Variants in STIM1 observed in about 807,000 individuals in gnomAD.
STIM1 encodes stromal interaction molecule 1.
In STIM1, 25 loss-of-function variants were observed where a neutral mutation model predicts 74.7. That is an observed-to-expected ratio of 0.33 (90% CI 0.24 to 0.47). STIM1 has a LOEUF of 0.47. STIM1 is among the 20% of genes least tolerant of loss of function. STIM1 has a pLI of 1.00. For synonymous variants in STIM1, 328 were observed against 348.8 expected (o/e 0.94, Z 0.66); for missense variants, 728 against 920.8 (o/e 0.79, Z 2.71).
chr11:3,992,392 T>A (rs1016947317), intron 2 of STIM1, among the ~76,000 whole-genome samples: 1 of 152,022 alleles, frequency 6.6e-6, no homozygotes, highest in Non-Finnish European at 1.5e-5. Flanking sequence ...TTAGCCTGGG[T>A]GACAGAGTGA....
chr11:3,871,784 T>C (rs2091105059), intron 1 of STIM1, among the ~76,000 whole-genome samples: 1 of 152,190 alleles, frequency 6.6e-6, no homozygotes, highest in Admixed American at 6.5e-5. Context: ...CTGGGTTCTG[T>C]TACTCTTGAC....
chr11:4,070,533 A>C (rs1478766525), intron 6 of STIM1, among the ~76,000 whole-genome samples: 1 of 152,200 alleles, frequency 6.6e-6, no homozygotes. Context: ...TTCTCCTAGC[A>C]TATAAATAGA....
At chr11:3,997,273 G>T (rs967081063) in intron 2 of STIM1, among the ~76,000 whole-genome samples, 2 of 152,198 alleles carry the variant, frequency 1.3e-5, no homozygotes, top group Non-Finnish European at 2.9e-5. Flanking sequence ...GGAAAAAAAG[G>T]AGTAAAAGGA....
At chr11:3,932,617 G>T (rs182502850) in intron 1 of STIM1, among the ~76,000 whole-genome samples, 46 of 145,780 alleles carry the variant, frequency 3.2e-4, no homozygotes, top group African/African-American at 1.1e-3. Flanking sequence ...AGCCGAGATC[G>T]CTCCACTGCA....
chr11:3,949,836 A>G (rs553361917), intron 1 of STIM1, among the ~76,000 whole-genome samples: 3 of 152,328 alleles, frequency 2.0e-5, no homozygotes, highest in African/African-American at 7.2e-5. Context: ...GATAAAATCC[A>G]CCAATCTTGT....
intron 4 of STIM1, chr11:4,058,913 G>T: frequency 8.9e-7 from 1 of 1,119,324 alleles, no homozygotes; most frequent in South Asian, 2.3e-5. Flanking sequence ...TTTGACCTGG[G>T]CTGCACAGGA....
At chr11:3,873,394 G>T (rs182423135) in intron 1 of STIM1, among the ~76,000 whole-genome samples, 17 of 149,966 alleles carry the variant, frequency 1.1e-4, no homozygotes, top group African/African-American at 4.2e-4. Flanking sequence ...CTCCAGCCTG[G>T]GCAACAAGAG....
At chr11:3,866,615 C>CG (rs1414546378) in intron 1 of STIM1, among the ~76,000 whole-genome samples, 4 of 151,890 alleles carry the variant, frequency 2.6e-5, no homozygotes, top group Non-Finnish European at 4.4e-5. Context: ...TTAGTAGAGA[C>CG]GGGGTTTCAC....
At chr11:4,083,647 C>A in intron 10 of STIM1, 149 bp downstream of exon 10, 1 of 755,886 alleles carries the variant, frequency 1.3e-6, no homozygotes, top group Non-Finnish European at 2.2e-6. Flanking sequence ...GCACAATTTA[C>A]TCAGGTTATT....
chr11:4,062,816 G>T (rs2094340112), intron 5 of STIM1, among the ~76,000 whole-genome samples: 1 of 152,060 alleles, frequency 6.6e-6, no homozygotes, highest in South Asian at 2.1e-4. Flanking sequence ...TGTTGGTGAG[G>T]ATGTGTTGAA....
chr11:3,967,463 A>T, intron 1 of STIM1, 89 bp from the exon 2 acceptor site: 2 of 1,603,792 alleles, frequency 1.2e-6, no homozygotes, highest in South Asian at 2.2e-5. Flanking sequence ...GAGGAGTCAG[A>T]TGCTAGAAGC....
chr11:4,080,466 A>ATTT (rs2094459354), intron 7 of STIM1, among the ~76,000 whole-genome samples: 4 of 99,600 alleles, frequency 4.0e-5, no homozygotes, highest in Non-Finnish European at 7.1e-5. Flanking sequence ...TTAACCAAAC[A>ATTT]GTTTTTTTTT....
At chr11:3,992,427 A>C (rs1420507456) in intron 2 of STIM1, among the ~76,000 whole-genome samples, 2 of 151,960 alleles carry the variant, frequency 1.3e-5, no homozygotes, top group Admixed American at 6.6e-5. Context: ...AAAAAATTTA[A>C]ATAAAATAAA....
At chr11:3,936,026 A>T (rs932137303) in intron 1 of STIM1, among the ~76,000 whole-genome samples, 2 of 152,224 alleles carry the variant, frequency 1.3e-5, no homozygotes, top group African/African-American at 4.8e-5. Flanking sequence ...TATAATTTAC[A>T]TATAATATAC....
intron 4 of STIM1, among the ~76,000 whole-genome samples, chr11:4,058,419 T>C (rs2094307077): frequency 6.6e-6 from 1 of 152,236 alleles, no homozygotes; most frequent in Middle Eastern, 3.2e-3. Context: ...CACACTGTGA[T>C]GTCAGAAGCT....
At chr11:3,923,378 G>A (rs1487540070) in intron 1 of STIM1, among the ~76,000 whole-genome samples, 1 of 152,140 alleles carries the variant, frequency 6.6e-6, no homozygotes, top group Admixed American at 6.5e-5. Context: ...GGAGGTTGAA[G>A]CAGGTGGATC....
At chr11:4,004,136 A>T (rs956145900) in intron 2 of STIM1, among the ~76,000 whole-genome samples, 6 of 152,250 alleles carry the variant, frequency 3.9e-5, no homozygotes, top group Non-Finnish European at 7.3e-5. Context: ...GGGTAGGAAG[A>T]ATCAATATCA....
rs2090350109 is a variant in STIM1 at position 3,855,969 on chromosome 11, C to T, written c.-302C>T. The T allele has an allele frequency of 6.6e-6, 3 of 453,136 alleles. No individual in the cohort carries two copies. Among genetic ancestry groups the T allele is most frequent in the Middle Eastern group, 6.4e-4 (1 of 1,574 alleles). 28.1% of individuals were successfully genotyped at this position (453,136 alleles called of 1,614,324 possible). A position where few individuals can be genotyped will look rare whatever the true frequency, so the allele number is the denominator to read the frequency against. On this transcript the variant is annotated 5_prime_UTR_variant, in exon 1 of 13. Coordinates refer to ENST00000526596, the MANE Select transcript of STIM1 (RefSeq NM_001382567.1). The stretch of plus-strand genomic sequence containing the variant: ...CCTTCCGCAGGGGTGTAGTAATCTG[C>T]GGAGCTGACAGCAGCCCCGCAGCCA...
At chr11:3,955,754 G>T (rs780829338) in intron 1 of STIM1, among the ~76,000 whole-genome samples, 5 of 151,986 alleles carry the variant, frequency 3.3e-5, no homozygotes, top group Non-Finnish European at 7.4e-5. Flanking sequence ...TGTGGGGCCT[G>T]GGCATCAGCA....
Sources: allele counts gnomAD v4.1 joint callset (sites outside exome capture counted in the v4.1 genomes callset), GRCh38; gene constraint gnomAD v4.1.1; transcripts MANE v1.5; gene names NCBI Gene and HGNC (gene_info 2026-07-23, HGNC 2026-07-21).